The following ANKRD17 variants were observed in gnomAD, a reference collection of about 807,000 sequenced individuals.
ANKRD17 encodes the protein ankyrin repeat domain 17.
In ANKRD17, 19 loss-of-function variants were observed where a neutral mutation model predicts 229.7. The ratio of observed to expected loss-of-function variants is 0.08; its 90% CI spans 0.06 to 0.12. ANKRD17 has a LOEUF of 0.12. Ranked by LOEUF, ANKRD17 falls within the 10% of genes least tolerant of loss-of-function variation. The probability of loss-of-function intolerance (pLI) is 1.00; values close to 1 mark genes in which losing one functional copy is unlikely to be tolerated. For synonymous variants in ANKRD17, 1,112 were observed against 1,146.1 expected, an observed-to-expected ratio of 0.97 and a Z score of 0.60; for missense variants, 2,176 against 3,176.8, an observed-to-expected ratio of 0.68 and a Z score of 7.57.
Position 73,155,576 on chromosome 4 carries a change from A to C in ANKRD17, c.1000+55T>G, listed in dbSNP as rs989563146. ...CTAAACATCACTTTCATGCAAAATC[A>C]TTATTACCAAATGATGTTACTATGT... On this transcript the variant is annotated intron_variant, in intron 5 of 33. Transcript: ENST00000358602. 5.0e-6 allele frequency: 8 copies of C among 1,594,796 alleles called. No homozygotes were observed. In the African/African-American group the frequency reaches 1.1e-4, roughly 21 times the overall value.
chr4:73,185,838 T>C (rs1040708480), intron 1 of ANKRD17, among the ~76,000 whole-genome samples: 1 of 152,050 alleles, frequency 6.6e-6, no homozygotes, highest in Non-Finnish European at 1.5e-5. Context: ...TTTGGTTTTA[T>C]CAATATGAAA....
intron 29 of ANKRD17, among the ~76,000 whole-genome samples, chr4:73,089,625 C>A (rs2110151146): frequency 6.6e-6 from 1 of 152,194 alleles, no homozygotes; most frequent in South Asian, 2.1e-4. Context: ...CGAAATGTAT[C>A]ATGGTTATGT....
chr4:73,132,145 G>A (rs543706891), intron 16 of ANKRD17, among the ~76,000 whole-genome samples: 9 of 146,896 alleles, frequency 6.1e-5, no homozygotes, highest in African/African-American at 1.3e-4. Flanking sequence ...TCACTCTGTC[G>A]CCCAGGCTGG....
chr4:73,119,888 A>C (rs1248831098), intron 21 of ANKRD17, among the ~76,000 whole-genome samples: 10 of 152,222 alleles, frequency 6.6e-5, no homozygotes, highest in Admixed American at 6.5e-4. Context: ...GTCTGATAAC[A>C]GATGGATGTT....
At chr4:73,092,385 AAC>A (rs1446983580) in intron 28 of ANKRD17, 85 bp from the exon 29 acceptor site, 50 of 1,072,296 alleles carry the variant, frequency 4.7e-5, no homozygotes, top group South Asian at 1.7e-4. Context: ...TATGTACACA[AAC>A]ACACACACAG....
At chr4:73,121,839 T>C (rs1726773696) in intron 18 of ANKRD17, 80 bp from the exon 19 acceptor site, 2 of 1,385,638 alleles carry the variant, frequency 1.4e-6, no homozygotes, top group Non-Finnish European at 9.7e-7. Context: ...TTTCTTTTTC[T>C]GGTATACTGT....
chr4:73,114,446 AT>A (rs34293076), intron 23 of ANKRD17, among the ~76,000 whole-genome samples: 53,742 of 151,824 alleles, frequency 0.35, 10,094 homozygotes, highest in South Asian at 0.46. Context: ...TTTTTATAAA[AT>A]TTTTATTTAT....
chr4:73,171,138 T>A (rs1400049792), intron 2 of ANKRD17, among the ~76,000 whole-genome samples: 1 of 136,198 alleles, frequency 7.3e-6, no homozygotes, highest in African/African-American at 2.8e-5. Flanking sequence ...ACAGGGGTAC[T>A]TGTGTCACCC....
intron 1 of ANKRD17, among the ~76,000 whole-genome samples, chr4:73,246,875 A>G (rs1349964652): frequency 1.3e-5 from 2 of 152,170 alleles, no homozygotes; most frequent in Admixed American, 1.3e-4. Flanking sequence ...ATCCAAAAAG[A>G]GATCCATGTA....
At chr4:73,113,289 A>G (rs1172392188) in intron 24 of ANKRD17, 2 of 1,289,240 alleles carry the variant, frequency 1.6e-6, no homozygotes, top group African/African-American at 3.0e-5. Context: ...ATGGGAATAG[A>G]TGGGAATGAT....
chr4:73,110,112 G>A (rs1338719896), intron 24 of ANKRD17, among the ~76,000 whole-genome samples: 1 of 151,492 alleles, frequency 6.6e-6, no homozygotes, highest in African/African-American at 2.4e-5. Context: ...AAGTGAAGGG[G>A]GTGAAATAAT....
chr4:73,140,295 A>T lies in ANKRD17; in HGVS notation c.2333-12T>A. 6.4e-7 allele frequency: 1 copy of T among 1,569,502 alleles called. No individual in the cohort carries two copies. The highest frequency in any genetic ancestry group is 8.6e-7 in the Non-Finnish European group (1 of 1,164,964). On this transcript the variant is annotated splice_polypyrimidine_tract_variant and intron_variant, in intron 14 of 33. Transcript: ENST00000358602. Reference sequence around the variant, plus strand: ...TTGTTTAGAAGCAGCTGTGTGAAAAAGAAACCCCCTCAGAAGTGCACATGA... The same window carrying T: ...TTGTTTAGAAGCAGCTGTGTGAAAATGAAACCCCCTCAGAAGTGCACATGA...
intron 1 of ANKRD17, among the ~76,000 whole-genome samples, chr4:73,250,605 A>C (rs1744919885): frequency 1.3e-5 from 2 of 149,506 alleles, no homozygotes; most frequent in South Asian, 2.1e-4. Flanking sequence ...AAAAAAAAAA[A>C]AAAAAAAAAA....
rs1364035453 is a variant in ANKRD17 at position 73,092,046 on chromosome 4, G to A, written c.5582C>T (p.Ser1861Phe). The A allele has an allele frequency of 3.7e-6, 6 of 1,614,196 alleles. No homozygotes were observed. The South Asian group carries it at 6.6e-5, about 18-fold the overall frequency. ...ALTVPAISSA[S>F]THKTIKNPVN... ...TGGGTTCTTAATGGTTTTGTGAGTG[G>A]ATGCAGAAGAAATTGCAGGCACAGT... The change falls in exon 29 of 34, where the codon TCC (serine) becomes TTC (phenylalanine). Residue 1861 changes from serine to phenylalanine, a missense_variant. Physicochemically the swap from Ser to Phe is radical, Grantham distance 155 (BLOSUM62 -2). Around this residue, in one of 18 missense-constraint regions of ANKRD17, gnomAD observed 142 missense variants for 200.4 expected, o/e 0.71. Transcript: ENST00000358602.
intron 20 of ANKRD17, 104 bp downstream of exon 20, chr4:73,120,777 T>C: frequency 3.2e-6 from 3 of 937,798 alleles, no homozygotes; most frequent in East Asian, 5.3e-5. Flanking sequence ...ACATAGGAGA[T>C]AAATGTTACT....
At chr4:73,137,621 C>G (rs925098380) in intron 15 of ANKRD17, among the ~76,000 whole-genome samples, 2 of 152,136 alleles carry the variant, frequency 1.3e-5, no homozygotes, top group East Asian at 3.9e-4. Context: ...TGAATGTGCA[C>G]ATGCCTGTTG....
At chr4:73,157,236 A>T (rs1378499502) in intron 3 of ANKRD17, among the ~76,000 whole-genome samples, 1 of 152,310 alleles carries the variant, frequency 6.6e-6, no homozygotes, top group African/African-American at 2.4e-5. Context: ...CATCAAGTAA[A>T]GGGAAATCAG....
intron 2 of ANKRD17, among the ~76,000 whole-genome samples, chr4:73,171,189 G>GAGAGAGAGAGAC (rs1433916695): frequency 6.8e-6 from 1 of 147,898 alleles, no homozygotes; most frequent in African/African-American, 2.5e-5. Context: ...GAGAGAGAGA[G>GAGAGAGAGAGAC]AGAGAGAGAG....
At position 73,164,784 on chromosome 4, in the gene ANKRD17, T is replaced by A. The variant is rs1400938228; in HGVS notation, c.548-3436A>T. The stretch of plus-strand genomic sequence containing the variant: ...TCCAGGCTGGGCGACAAAATGAGAC[T>A]CTCTCCAAAGGAAAAAAAAAAAAAG... On this transcript the variant is annotated intron_variant, in intron 2 of 33. Transcript: ENST00000358602. 4.1e-4 allele frequency among the ~76,000 whole-genome samples: 61 copies of A among 147,174 alleles called. 1 individual carries two copies. Among genetic ancestry groups the A allele is most frequent in the Non-Finnish European group, 6.7e-4 (45 of 67,014 alleles).
Sources: allele counts gnomAD v4.1 joint callset (sites outside exome capture counted in the v4.1 genomes callset), GRCh38; gene constraint gnomAD v4.1.1; regional missense constraint gnomAD v4.1.1; transcripts MANE v1.5; gene names NCBI Gene and HGNC (gene_info 2026-07-23, HGNC 2026-07-21).